PCDHGB3: variants seen among roughly 807,000 people sequenced by gnomAD.
PCDHGB3 encodes protocadherin gamma subfamily B, 3, also known as protocadherin gamma-B3.
In PCDHGB3, 40 loss-of-function variants were observed where a neutral mutation model predicts 59.2. The ratio of observed to expected loss-of-function variants is 0.68; its 90% CI spans 0.52 to 0.88. PCDHGB3 has a LOEUF of 0.88. PCDHGB3 is among the 40% of genes least tolerant of loss of function. The probability of loss-of-function intolerance (pLI) is 0.00; values close to 1 mark genes in which losing one functional copy is unlikely to be tolerated. For missense variants in PCDHGB3, 1,309 were observed against 1,187.9 expected, an observed-to-expected ratio of 1.10 and a Z score of -1.50; for synonymous variants, 581 against 503.6, an observed-to-expected ratio of 1.15 and a Z score of -2.06.
At chr5:141,468,560 T>G (rs571224791) in intron 1 of PCDHGB3, 1 of 152,004 alleles carries the variant, frequency 6.6e-6, no homozygotes, top group Non-Finnish European at 1.5e-5. Flanking sequence ...ATTTGTGATA[T>G]AGTAAACAAT....
intron 1 of PCDHGB3, chr5:141,478,401 T>G: frequency 6.2e-7 from 1 of 1,613,480 alleles, no homozygotes; most frequent in South Asian, 1.1e-5. Context: ...CAGGTGTATC[T>G]CACCACGGAC....
Position 141,493,806 on chromosome 5 carries a change from T to C in PCDHGB3, c.2416-1001T>C, listed in dbSNP as rs1339302166. On this transcript the variant is annotated intron_variant, in intron 1 of 3. Coordinates refer to ENST00000576222, the MANE Select transcript of PCDHGB3 (RefSeq NM_018924.5). This position sits in a 1 kb window ranked among gnomAD's most constrained non-coding sequence, Gnocchi z 4.3. ...TCCTTCTCCCTGGAGTAATCTGAGA[T>C]ACTCACACTCTCTGCTTCTGGGAGC... is the stretch of plus-strand genomic sequence containing the variant. Among the ~76,000 whole-genome samples, 1 of 152,162 alleles carries C rather than the reference T, an allele frequency of 6.6e-6. No homozygotes were observed. The highest frequency in any genetic ancestry group is 1.5e-5 in the Non-Finnish European group (1 of 68,038).
intron 1 of PCDHGB3, chr5:141,384,638 G>A: frequency 1.2e-6 from 2 of 1,614,188 alleles, no homozygotes; most frequent in Non-Finnish European, 8.5e-7. Flanking sequence ...CTGGCACCCC[G>A]CTCCGCAGAG....
intron 1 of PCDHGB3, chr5:141,410,274 A>G: frequency 4.3e-6 from 7 of 1,613,948 alleles, no homozygotes; most frequent in Non-Finnish European, 5.9e-6. Context: ...CTGCAGTTTT[A>G]CCTGGTGGTG....
At position 141,477,418 on chromosome 5, in the gene PCDHGB3, C is replaced by G. The variant is rs759728291; in HGVS notation, c.2416-17389C>G. ...GCATCACCGCCCGAGACGCCGGAAC[C>G]CCTTCCCTCTCAGCCCTTACAATAG... On this transcript the variant is annotated intron_variant, in intron 1 of 3. Transcript: ENST00000576222. This position sits in a 1 kb window ranked among gnomAD's most constrained non-coding sequence, Gnocchi z 4.9. 2 of 1,614,166 alleles carry G rather than the reference C, an allele frequency of 1.2e-6. No homozygotes were observed. Among genetic ancestry groups the G allele is most frequent in the Non-Finnish European group, 1.7e-6 (2 of 1,180,030 alleles).
intron 1 of PCDHGB3, chr5:141,398,744 G>C (rs1561665852): frequency 1.2e-6 from 2 of 1,613,854 alleles, no homozygotes; most frequent in East Asian, 4.5e-5. Flanking sequence ...GAACAACAGA[G>C]TTACCATCGT....
chr5:141,371,138 G>C lies in PCDHGB3; in HGVS notation c.744G>C (p.Arg248Ser), dbSNP rs761615775. 4.3e-6 allele frequency: 7 copies of C among 1,613,870 alleles called. No individual in the cohort carries two copies. In the East Asian group the frequency reaches 1.6e-4, roughly 36 times the overall value. Residue 248 changes from arginine (R) to serine (S), a missense_variant, in exon 1 of 4, where the codon AGG (arginine) becomes AGC (serine). By Grantham distance (110) the Arg-to-Ser change is moderately radical. Transcript: ENST00000576222. ...CAGTATTTACTCAGGACATGTACAG[G>C]GTCAATGTTGCAGAGAACCTGCCCG... ...NPPVFTQDMY[R>S]VNVAENLPAG...
intron 1 of PCDHGB3, among the ~76,000 whole-genome samples, chr5:141,420,737 A>G (rs1156969170): frequency 1.3e-5 from 2 of 152,244 alleles, no homozygotes; most frequent in Non-Finnish European, 2.9e-5. Flanking sequence ...GTTAAAATCA[A>G]TTGGAACCAA....
chr5:141,490,243 G>A lies in PCDHGB3; in HGVS notation c.2416-4564G>A, dbSNP rs1431165990. 1 of 1,614,238 alleles carries A rather than the reference G, an allele frequency of 6.2e-7. No individual in the cohort carries two copies. The highest frequency in any genetic ancestry group is 8.5e-7 in the Non-Finnish European group (1 of 1,180,038). The stretch of plus-strand genomic sequence containing the variant: ...ACAGCCTGCCATGGAGGGCCACTGT[G>A]TGATTCAAGTGGATGTGGGGGATGT... On this transcript the variant is annotated intron_variant, in intron 1 of 3. Coordinates refer to ENST00000576222, the MANE Select transcript of PCDHGB3 (RefSeq NM_018924.5). This position sits in a 1 kb window ranked among gnomAD's most constrained non-coding sequence, Gnocchi z 5.4.
In PCDHGB3 at chr5:141,376,165, G is replaced by A. The variant is rs181247360; in HGVS notation, c.2415+3356G>A. ...ATTCGGACCTCACTCTGTACCTGGT[G>A]GTGGCGGTGGCCGCGGTCTCCTGCG... On this transcript the variant is annotated intron_variant, in intron 1 of 3. Coordinates refer to ENST00000576222, the MANE Select transcript of PCDHGB3 (RefSeq NM_018924.5). 5.0e-5 allele frequency: 80 copies of A among 1,614,136 alleles called. No individual in the cohort carries two copies. In the East Asian group the frequency reaches 1.2e-3, roughly 25 times the overall value.
rs1418195492 is a variant in PCDHGB3 at position 141,431,459 on chromosome 5, G to T, written c.2415+58650G>T. 4 of 1,613,692 alleles carry T rather than the reference G, an allele frequency of 2.5e-6. No homozygotes were observed. The highest frequency in any genetic ancestry group is 3.4e-6 in the Non-Finnish European group (4 of 1,179,994). Reference sequence around the variant, plus strand: ...CGCGCGCATCCGCGTGATGGTTCTGGATGCGAACGACAACGCACCAGCGTT... The same window carrying T: ...CGCGCGCATCCGCGTGATGGTTCTGTATGCGAACGACAACGCACCAGCGTT... On this transcript the variant is annotated intron_variant, in intron 1 of 3. Transcript: ENST00000576222. This position sits in a 1 kb window ranked among gnomAD's most constrained non-coding sequence, Gnocchi z 4.8.
chr5:141,454,563 C>T (rs1056296059), intron 1 of PCDHGB3, among the ~76,000 whole-genome samples: 46 of 151,960 alleles, frequency 3.0e-4, no homozygotes, highest in Non-Finnish European at 4.9e-4. Context: ...TGTGCCACCA[C>T]GCCCGGCTAA....
chr5:141,374,902 C>A, intron 1 of PCDHGB3: 1 of 1,613,754 alleles, frequency 6.2e-7, no homozygotes, highest in South Asian at 1.1e-5. Context: ...ATGAAGGAGT[C>A]CACGGGGAAG....
chr5:141,427,199 A>G (rs900332017), intron 1 of PCDHGB3: 5 of 456,766 alleles, frequency 1.1e-5, no homozygotes, highest in Non-Finnish European at 2.2e-5. Context: ...AAGACTTAAT[A>G]GACTTCGAAT....
rs766042374 is a variant in PCDHGB3 at position 141,418,520 on chromosome 5, C to A, written c.2415+45711C>A. ...GACCGCCTTAGATGGTGGGGACCCTCCCCGAAGCGGTACTGCTCAGATAAG... is the reference window on the plus strand; with the variant it reads ...GACCGCCTTAGATGGTGGGGACCCTACCCGAAGCGGTACTGCTCAGATAAG... On this transcript the variant is annotated intron_variant, in intron 1 of 3. Transcript: ENST00000576222. 6 of 1,613,818 alleles carry A rather than the reference C, an allele frequency of 3.7e-6. No individual in the cohort carries two copies. The highest frequency in any genetic ancestry group is 5.1e-6 in the Non-Finnish European group (6 of 1,179,890).
rs748972821 is a variant in PCDHGB3 at position 141,476,094 on chromosome 5, GAGAGGAACT to G, written c.2416-18712_2416-18704del. ...TCTCAGGGACGATCTGGACCCCGCT[GAGAGGAACT>G]GCTTTTGAGTGAGATGGTCCCAGAG... is the stretch of plus-strand genomic sequence containing the variant. On this transcript the variant is annotated intron_variant, in intron 1 of 3. Coordinates refer to ENST00000576222, the MANE Select transcript of PCDHGB3 (RefSeq NM_018924.5). This position sits in a 1 kb window ranked among gnomAD's most constrained non-coding sequence, Gnocchi z 7.6. 6.4e-7 allele frequency: 1 copy of G among 1,568,172 alleles called. No individual in the cohort carries two copies. The highest frequency in any genetic ancestry group is 1.2e-5 in the South Asian group (1 of 85,292).
chr5:141,446,747 G>A (rs997132200), intron 1 of PCDHGB3, among the ~76,000 whole-genome samples: 10 of 152,190 alleles, frequency 6.6e-5, no homozygotes, highest in African/African-American at 1.4e-4. Context: ...GATTACAGGC[G>A]TGAGCCACCG....
intron 2 of PCDHGB3, among the ~76,000 whole-genome samples, chr5:141,497,781 C>T (rs2099779421): frequency 1.3e-5 from 2 of 152,192 alleles, no homozygotes; most frequent in African/African-American, 4.8e-5. Flanking sequence ...CTCAACTGAT[C>T]CACCTGCTTC....
At chr5:141,423,567 C>T (rs771827702) in intron 1 of PCDHGB3, 4 of 1,613,602 alleles carry the variant, frequency 2.5e-6, no homozygotes, top group Admixed American at 1.7e-5. Flanking sequence ...GGGACACGCT[C>T]ATCAGCCAGG....
Sources: allele counts gnomAD v4.1 joint callset (sites outside exome capture counted in the v4.1 genomes callset), GRCh38; gene constraint gnomAD v4.1.1; non-coding constraint Gnocchi (gnomAD v3.1); transcripts MANE v1.5; gene names NCBI Gene and HGNC (gene_info 2026-07-23, HGNC 2026-07-21).